MAGI3: variants seen among roughly 807,000 people sequenced by gnomAD.
MAGI3 encodes the protein membrane associated guanylate kinase, WW and PDZ domain containing 3.
In MAGI3, 43 loss-of-function variants were observed where a neutral mutation model predicts 121.8. The observed-to-expected ratio is 0.35, with a 90% confidence interval of 0.28 to 0.46. The LOEUF (loss-of-function observed/expected upper bound fraction) is 0.46, where lower values mean the gene tolerates loss of function less well. Ranked by LOEUF, MAGI3 falls within the 20% of genes least tolerant of loss-of-function variation. The probability of loss-of-function intolerance (pLI) is 1.00; values close to 1 mark genes in which losing one functional copy is unlikely to be tolerated. For synonymous variants in MAGI3, 553 were observed against 639.3 expected, an observed-to-expected ratio of 0.86 and a Z score of 2.04; for missense variants, 1,547 against 1,797.3, an observed-to-expected ratio of 0.86 and a Z score of 2.52.
intron 1 of MAGI3, among the ~76,000 whole-genome samples, chr1:113,513,911 T>A (rs915457994): frequency 1.3e-5 from 2 of 151,904 alleles, no homozygotes; most frequent in African/African-American, 4.8e-5. Flanking sequence ...GAATCTACAA[T>A]GAACTCAAAC....
chr1:113,642,253 C>T lies in MAGI3; in HGVS notation c.1703C>T (p.Ser568Leu), dbSNP rs771030659. 6.2e-6 allele frequency: 10 copies of T among 1,614,018 alleles called. No individual in the cohort carries two copies. The highest frequency in any genetic ancestry group is 4.4e-5 in the South Asian group (4 of 91,072). ...AGTGAGCAGAGAGTATCCATGGCAT[C>T]GTCAGGCAGCTCCCAGCCTGAACTA... ...DASEQRVSMA[S>L]SGSSQPELVT... Residue 568 changes from serine (S) to leucine (L), a missense_variant, in exon 10 of 21, where the codon TCG becomes TTG. Transcript: ENST00000307546.
chr1:113,404,950 T>G (rs997303303), intron 1 of MAGI3, among the ~76,000 whole-genome samples: 1 of 152,166 alleles, frequency 6.6e-6, no homozygotes, highest in South Asian at 2.1e-4. Context: ...CCAGCTGTAA[T>G]AGAATACCCT....
At chr1:113,584,476 C>A (rs1242777607) in intron 3 of MAGI3, among the ~76,000 whole-genome samples, 1 of 152,130 alleles carries the variant, frequency 6.6e-6, no homozygotes, top group Non-Finnish European at 1.5e-5. Flanking sequence ...CTGCTAATGT[C>A]TCTGTTTGTT....
intron 4 of MAGI3, among the ~76,000 whole-genome samples, chr1:113,589,371 T>C (rs1486797168): frequency 1.3e-5 from 2 of 152,116 alleles, no homozygotes; most frequent in African/African-American, 4.8e-5. Flanking sequence ...TAAAGTAAAC[T>C]TGTCAATATT....
intron 7 of MAGI3, among the ~76,000 whole-genome samples, chr1:113,616,885 C>CTTT (rs36011283): frequency 5.2e-5 from 7 of 134,126 alleles, no homozygotes; most frequent in Non-Finnish European, 9.5e-5. Flanking sequence ...ACAACTAAAA[C>CTTT]TTTTTTTTTT....
At chr1:113,564,192 G>T (rs530045467) in intron 2 of MAGI3, among the ~76,000 whole-genome samples, 14 of 152,302 alleles carry the variant, frequency 9.2e-5, no homozygotes, top group African/African-American at 3.4e-4. Context: ...TTTCAGAATT[G>T]GTTTTGGTTG....
intron 1 of MAGI3, among the ~76,000 whole-genome samples, chr1:113,530,602 TAAA>T (rs113902871): frequency 6.9e-6 from 1 of 143,982 alleles, no homozygotes; most frequent in Admixed American, 6.9e-5. Flanking sequence ...AAATAAAAGT[TAAA>T]AAAAAAAAAG....
At chr1:113,443,590 A>G (rs547875645) in intron 1 of MAGI3, among the ~76,000 whole-genome samples, 41 of 152,274 alleles carry the variant, frequency 2.7e-4, no homozygotes, top group Non-Finnish European at 4.9e-4. Flanking sequence ...GAATGTACCA[A>G]TGATTCGTTA....
intron 1 of MAGI3, among the ~76,000 whole-genome samples, chr1:113,514,497 T>C (rs528047832): frequency 2.2e-4 from 33 of 151,722 alleles, no homozygotes; most frequent in African/African-American, 7.5e-4. Flanking sequence ...AAACTGGAAA[T>C]CATCATTCTC....
At chr1:113,467,026 A>T (rs1475843978) in intron 1 of MAGI3, among the ~76,000 whole-genome samples, 1 of 151,946 alleles carries the variant, frequency 6.6e-6, no homozygotes, top group Non-Finnish European at 1.5e-5. Flanking sequence ...CTTAAGATGT[A>T]TCATTAGGTT....
chr1:113,441,000 C>T (rs1653884587), intron 1 of MAGI3, among the ~76,000 whole-genome samples: 1 of 152,090 alleles, frequency 6.6e-6, no homozygotes, highest in South Asian at 2.1e-4. Context: ...CCTCCTGACA[C>T]ACACATCAAA....
chr1:113,643,796 A>G, intron 11 of MAGI3, 22 bp downstream of exon 11: 1 of 1,609,724 alleles, frequency 6.2e-7, no homozygotes, highest in South Asian at 1.1e-5. Context: ...CTGGTCCTCA[A>G]ATCTTTTCCC....
At chr1:113,450,213 T>A in intron 1 of MAGI3, 1 of 1,586,222 alleles carries the variant, frequency 6.3e-7, no homozygotes. Context: ...TTAATGGGCA[T>A]AATTGTGAAG....
At chr1:113,587,543 G>A (rs572168310) in intron 4 of MAGI3, among the ~76,000 whole-genome samples, 65 of 152,126 alleles carry the variant, frequency 4.3e-4, no homozygotes, top group Admixed American at 1.8e-3. Context: ...AAAATTGTTC[G>A]GGAGTAGAAA....
intron 16 of MAGI3, among the ~76,000 whole-genome samples, chr1:113,669,508 C>T (rs1647395559): frequency 6.6e-6 from 1 of 152,126 alleles, no homozygotes; most frequent in Non-Finnish European, 1.5e-5. Flanking sequence ...ATCTTATGAG[C>T]AAGAAAACGT....
intron 1 of MAGI3, among the ~76,000 whole-genome samples, chr1:113,528,134 T>C (rs1222192999): frequency 6.6e-6 from 1 of 152,186 alleles, no homozygotes; most frequent in East Asian, 1.9e-4. Context: ...TAATATTAGC[T>C]ACTATCCAGT....
Position 113,497,087 on chromosome 1 carries a change from G to A in MAGI3, c.317-52428G>A, listed in dbSNP as rs1437071329. On this transcript the variant is annotated intron_variant, in intron 1 of 20. Coordinates refer to ENST00000307546, the MANE Select transcript of MAGI3 (RefSeq NM_001142782.2). Reference sequence around the variant, plus strand: ...AACCTGGGCAACGTGGGGAGAGCCCGTTTCTACAAAAATACAAAAATTAGC... The same window carrying A: ...AACCTGGGCAACGTGGGGAGAGCCCATTTCTACAAAAATACAAAAATTAGC... Among the ~76,000 whole-genome samples the A allele has an allele frequency of 3.9e-5, 6 of 152,088 alleles. No homozygotes were observed. The East Asian group carries it at 5.8e-4, about 15-fold the overall frequency.
In MAGI3 at chr1:113,646,623, GA is replaced by G. The variant is rs1323452214; in HGVS notation, c.2137del (p.Thr713LeufsTer29). The part of the protein sequence containing the change: ...DPSEVYLKSK[T>X]LYEDKPPNTK... Reference sequence around the variant, plus strand: ...CTTCTGAGGTCTACCTGAAATCTAAGACTTTATATGAAGATAAACGTAAGTA... The same window carrying G: ...CTTCTGAGGTCTACCTGAAATCTAAGCTTTATATGAAGATAAACGTAAGTA... On this transcript the variant is annotated frameshift_variant, in exon 12 of 21. Coordinates refer to ENST00000307546, the MANE Select transcript of MAGI3 (RefSeq NM_001142782.2). LOFTEE classifies it high-confidence loss of function. The G allele has an allele frequency of 6.3e-7, 1 of 1,593,398 alleles. No individual in the cohort carries two copies.
At chr1:113,647,176 A>G (rs541632534) in intron 12 of MAGI3, among the ~76,000 whole-genome samples, 1 of 152,342 alleles carries the variant, frequency 6.6e-6, no homozygotes, top group East Asian at 1.9e-4. Flanking sequence ...GGAATAGCAC[A>G]TGCACACTGG....
Sources: allele counts gnomAD v4.1 joint callset (sites outside exome capture counted in the v4.1 genomes callset), GRCh38; gene constraint gnomAD v4.1.1; transcripts MANE v1.5; gene names NCBI Gene and HGNC (gene_info 2026-07-23, HGNC 2026-07-21).